SDS: variants seen among roughly 807,000 people sequenced by gnomAD.
The protein encoded by SDS is serine dehydratase.
In SDS, 19 loss-of-function variants were observed where a neutral mutation model predicts 29.3. The observed-to-expected ratio is 0.65, with a 90% CI of 0.45 to 0.95. The LOEUF is 0.95. SDS is among the 40% of genes least tolerant of loss of function. The probability of loss-of-function intolerance (pLI) is 0.00; values close to 1 mark genes in which losing one functional copy is unlikely to be tolerated. For missense variants in SDS, 375 were observed against 439.9 expected (o/e 0.85, Z 1.32); for synonymous variants, 176 against 189.0 (o/e 0.93, Z 0.56).
chr12:113,393,773 G>A lies in SDS; in HGVS notation c.778+119C>T, dbSNP rs145491712. 6,590 of 1,340,880 alleles carry A rather than the reference G, an allele frequency of 4.9e-3. 53 individuals are homozygous for A. The highest frequency in any genetic ancestry group is 0.021 in the Admixed American group (1,023 of 49,602). 83.1% of individuals were successfully genotyped at this position (1,340,880 alleles called of 1,614,324 possible). A position where few individuals can be genotyped will look rare whatever the true frequency, so the allele number is the denominator to read the frequency against. On this transcript the variant is annotated intron_variant, in intron 7 of 7. Coordinates refer to ENST00000257549, the MANE Select transcript of SDS (RefSeq NM_006843.3). ...TATTAATGGAAAATTCTAGGCAGAG[G>A]TGGAAGACAGAACTGTGAAGGAAAC...
In SDS at chr12:113,398,700, C is replaced by T; in HGVS notation, c.333+7G>A. On this transcript the variant is annotated splice_region_variant and intron_variant, in intron 4 of 7. Coordinates refer to ENST00000257549, the MANE Select transcript of SDS (RefSeq NM_006843.3). ...CTCTCTCTTCCTTGCCCTGGGTCGG[C>T]ACTCACCTCACCCACCACCTTGACT... 6.2e-7 allele frequency: 1 copy of T among 1,613,846 alleles called. No homozygotes were observed. Among genetic ancestry groups the T allele is most frequent in the Non-Finnish European group, 8.5e-7 (1 of 1,179,816 alleles).
Position 113,392,793 on chromosome 12 carries a change from C to G in SDS, c.*148G>C, listed in dbSNP as rs1957618745. 1.1e-5 allele frequency: 9 copies of G among 790,482 alleles called. No homozygotes were observed. The highest frequency in any genetic ancestry group is 2.1e-6 in the Non-Finnish European group (1 of 467,736). 49.0% of individuals were successfully genotyped at this position (790,482 alleles called of 1,614,324 possible). A position where few individuals can be genotyped will look rare whatever the true frequency, so the allele number is the denominator to read the frequency against. On this transcript the variant is annotated 3_prime_UTR_variant, in exon 8 of 8. Transcript: ENST00000257549. The stretch of plus-strand genomic sequence containing the variant: ...CTCGCTGGCTGCCGACCTTTGGCCT[C>G]TGCATAGTGGGCTCCTGATAACAAG...
chr12:113,396,007 G>T (rs1054890183), intron 6 of SDS, among the ~76,000 whole-genome samples: 4 of 152,204 alleles, frequency 2.6e-5, no homozygotes, highest in Non-Finnish European at 4.4e-5. Flanking sequence ...GCTGAGGCAG[G>T]AGAATCGCTT....
chr12:113,394,573 T>C (rs35764330), intron 6 of SDS, among the ~76,000 whole-genome samples: 11,408 of 151,962 alleles, frequency 0.075, 692 homozygotes, highest in African/African-American at 0.16. Context: ...TTCCTGACCT[T>C]AGGTGATCCA....
At chr12:113,397,509 C>G (rs1957655214) in intron 5 of SDS, 117 bp from the exon 6 acceptor site, 1 of 832,488 alleles carries the variant, frequency 1.2e-6, no homozygotes, top group Non-Finnish European at 1.9e-6. Flanking sequence ...CCTCCCCACC[C>G]CCAACCTTGG....
chr12:113,393,238 T>C, intron 7 of SDS, 89 bp from the exon 8 acceptor site: 1 of 1,246,078 alleles, frequency 8.0e-7, no homozygotes, highest in Non-Finnish European at 1.2e-6. Context: ...CTGGGAATAC[T>C]GAGCCAATCA....
Position 113,392,920 on chromosome 12 carries a change from A to C in SDS, c.*21T>G. 6.2e-7 allele frequency: 1 copy of C among 1,610,484 alleles called. No individual in the cohort carries two copies. Among genetic ancestry groups the C allele is most frequent in the Non-Finnish European group, 8.5e-7 (1 of 1,176,896 alleles). ...GGGGTCTCTTGGGCTAGGAGAGCACAGATCGGTAAGGGGTCCGTCCTCACT... is the reference window on the plus strand; with the variant it reads ...GGGGTCTCTTGGGCTAGGAGAGCACCGATCGGTAAGGGGTCCGTCCTCACT... On this transcript the variant is annotated 3_prime_UTR_variant, in exon 8 of 8. Transcript: ENST00000257549.
At chr12:113,396,507 TCC>T (rs1565869396) in intron 6 of SDS, 12 of 79,360 alleles carry the variant, frequency 1.5e-4, no homozygotes, top group East Asian at 7.7e-4. Context: ...TCTTCCTTTC[TCC>T]TTCCTTCCTT....
At chr12:113,398,977 C>G in intron 3 of SDS, 131 bp from the exon 4 acceptor site, 1 of 1,533,676 alleles carries the variant, frequency 6.5e-7, no homozygotes, top group Non-Finnish European at 8.9e-7. Flanking sequence ...GCTGGCCTCC[C>G]CCTGGAATTC....
chr12:113,395,310 CA>C (rs1291845396), intron 6 of SDS, among the ~76,000 whole-genome samples: 2 of 152,228 alleles, frequency 1.3e-5, no homozygotes, highest in Admixed American at 6.5e-5. Context: ...ACGTGGTTTA[CA>C]GTAGGCGCTC....
At position 113,399,577 on chromosome 12, in the gene SDS, G is replaced by A; in HGVS notation, c.132C>T (p.Gly44=). Residue 44 remains glycine, a synonymous_variant, in exon 2 of 8, where the codon GGC becomes GGT. Coordinates refer to ENST00000257549, the MANE Select transcript of SDS (RefSeq NM_006843.3). ...AQPSGSFKIR[G]IGHFCKRWAK... Reference sequence around the variant, plus strand: ...GTACCCTCTTGCAGAAGTGCCCAATGCCCCGGATCTTGAAGGAGCCGGAGG... The same window carrying A: ...GTACCCTCTTGCAGAAGTGCCCAATACCCCGGATCTTGAAGGAGCCGGAGG... 3 of 1,598,680 alleles carry A rather than the reference G, an allele frequency of 1.9e-6. No individual in the cohort carries two copies. The highest frequency in any genetic ancestry group is 2.1e-4 in the Middle Eastern group (1 of 4,752).
chr12:113,401,730 G>A (rs907376648), intron 1 of SDS, among the ~76,000 whole-genome samples: 11 of 152,198 alleles, frequency 7.2e-5, no homozygotes, highest in African/African-American at 2.7e-4. Context: ...TGGGCTCTGG[G>A]GGATGAAGCA....
intron 7 of SDS, 152 bp from the exon 8 acceptor site, chr12:113,393,301 G>A: frequency 1.3e-6 from 1 of 745,992 alleles, no homozygotes; most frequent in East Asian, 2.7e-5. Context: ...CCCGTCATCG[G>A]CCTGAATTGG....
At chr12:113,394,343 GTT>G (rs565900434) in intron 6 of SDS, among the ~76,000 whole-genome samples, 3 of 132,076 alleles carry the variant, frequency 2.3e-5, no homozygotes, top group Non-Finnish European at 1.6e-5. Flanking sequence ...TTGTTTTTTT[GTT>G]TTTTTTTTTT....
At chr12:113,400,366 A>G (rs1470936205) in intron 1 of SDS, among the ~76,000 whole-genome samples, 1 of 151,962 alleles carries the variant, frequency 6.6e-6, no homozygotes, top group Non-Finnish European at 1.5e-5. Context: ...TCAGCTACTC[A>G]GGAGGCTGAG....
intron 1 of SDS, among the ~76,000 whole-genome samples, chr12:113,403,561 G>T (rs1171759169): frequency 1.3e-5 from 2 of 151,936 alleles, no homozygotes; most frequent in African/African-American, 4.8e-5. Flanking sequence ...ATTGGGGGGG[G>T]TCTCACTCTG....
At position 113,399,162 on chromosome 12, in the gene SDS, A is replaced by AACAGGAGAGGCACTCAGGCCCACC. The variant is rs773798918; in HGVS notation, c.154-35_154-12dup. 6.2e-6 allele frequency: 10 copies of AACAGGAGAGGCACTCAGGCCCACC among 1,613,594 alleles called. No individual in the cohort carries two copies. The stretch of plus-strand genomic sequence containing the variant: ...GCCTTGCTTGGCCCACTGTGGAGAC[A>AACAGGAGAGGCACTCAGGCCCACC]ACAGGAGAGGCACTCAGGCCCACCT... On this transcript the variant is annotated splice_polypyrimidine_tract_variant and intron_variant, in intron 2 of 7. Transcript: ENST00000257549.
intron 5 of SDS, 24 bp from the exon 6 acceptor site, chr12:113,397,416 GC>G (rs754142328): frequency 4.4e-6 from 7 of 1,573,280 alleles, no homozygotes; most frequent in Non-Finnish European, 4.3e-6. Context: ...AGAGGGGGTG[GC>G]AGGTCAGGGC....
chr12:113,402,667 G>A (rs535721888), intron 1 of SDS, among the ~76,000 whole-genome samples: 40 of 152,276 alleles, frequency 2.6e-4, no homozygotes, highest in East Asian at 1.7e-3. Context: ...CAGAGGAGCC[G>A]GCCACGAAGA....
Sources: gnomAD v4.1 joint callset for allele counts (sites outside exome capture counted in the v4.1 genomes callset) on GRCh38, gnomAD v4.1.1 for gene constraint, MANE v1.5 for transcripts, NCBI Gene and HGNC (gene_info 2026-07-23, HGNC 2026-07-21) for gene names.